The following GRIP1 variants were observed in gnomAD, a reference collection of about 807,000 sequenced individuals.
GRIP1 encodes the protein glutamate receptor interacting protein 1.
Under a neutral mutation model 129.9 loss-of-function variants are expected in GRIP1, and 45 were observed. The observed-to-expected ratio is 0.35, with a 90% confidence interval of 0.27 to 0.44. The LOEUF (loss-of-function observed/expected upper bound fraction) is 0.44. GRIP1 is among the 20% of genes least tolerant of loss of function. The probability of loss-of-function intolerance (pLI) is 1.00; values close to 1 mark genes in which losing one functional copy is unlikely to be tolerated. For missense variants in GRIP1, 1,196 were observed against 1,396.8 expected, an observed-to-expected ratio of 0.86 and a Z score of 2.29; for synonymous variants, 530 against 520.8, an observed-to-expected ratio of 1.02 and a Z score of -0.24.
chr12:66,725,735 A>G (rs1040977048), intron 1 of GRIP1, among the ~76,000 whole-genome samples: 3 of 152,170 alleles, frequency 2.0e-5, no homozygotes, highest in African/African-American at 7.2e-5. Context: ...ATTTATATTA[A>G]TCATACACAC....
At chr12:67,026,736 T>A (rs983253578) in intron 1 of GRIP1, among the ~76,000 whole-genome samples, 1 of 152,182 alleles carries the variant, frequency 6.6e-6, no homozygotes, top group Non-Finnish European at 1.5e-5. Context: ...TCATGGTCAA[T>A]CTATTACAGA....
chr12:66,839,155 A>G (rs1592893334), intron 1 of GRIP1, among the ~76,000 whole-genome samples: 1 of 152,302 alleles, frequency 6.6e-6, no homozygotes, highest in South Asian at 2.1e-4. Context: ...ACACAAAAGG[A>G]AACAGAGAAA....
chr12:66,525,813 G>A (rs2061212961), intron 5 of GRIP1, among the ~76,000 whole-genome samples: 1 of 152,214 alleles, frequency 6.6e-6, no homozygotes, highest in Non-Finnish European at 1.5e-5. Flanking sequence ...TCCTTAAGCT[G>A]ATAAGCAACT....
At chr12:66,646,974 C>T (rs1411080104) in intron 1 of GRIP1, among the ~76,000 whole-genome samples, 8 of 152,188 alleles carry the variant, frequency 5.3e-5, no homozygotes, top group African/African-American at 1.9e-4. Flanking sequence ...AAGGTTGCTA[C>T]AATTAGTACC....
chr12:66,960,798 G>C (rs944204404), intron 1 of GRIP1, among the ~76,000 whole-genome samples: 4 of 152,072 alleles, frequency 2.6e-5, no homozygotes, highest in Non-Finnish European at 5.9e-5. Context: ...AGATTACCCA[G>C]ACCAAAATGT....
At chr12:66,721,179 T>C (rs563820942) in intron 1 of GRIP1, among the ~76,000 whole-genome samples, 12 of 152,210 alleles carry the variant, frequency 7.9e-5, no homozygotes, top group Admixed American at 2.6e-4. Flanking sequence ...AACAGTAATA[T>C]TTTGAAAGGA....
At chr12:67,007,219 C>T (rs2042639689) in intron 1 of GRIP1, among the ~76,000 whole-genome samples, 1 of 152,124 alleles carries the variant, frequency 6.6e-6, no homozygotes, top group South Asian at 2.1e-4. Flanking sequence ...CCTGTTGTCA[C>T]ACATACACAA....
chr12:66,613,632 T>G (rs930905360), intron 1 of GRIP1, among the ~76,000 whole-genome samples: 1 of 152,174 alleles, frequency 6.6e-6, no homozygotes, highest in African/African-American at 2.4e-5. Context: ...CCGATTTCTG[T>G]CTTTAAAATT....
intron 1 of GRIP1, among the ~76,000 whole-genome samples, chr12:66,850,326 T>C (rs1203463435): frequency 6.6e-6 from 1 of 152,290 alleles, no homozygotes; most frequent in South Asian, 2.1e-4. Flanking sequence ...CAGATGTGGG[T>C]TCCTGAGGTG....
intron 8 of GRIP1, among the ~76,000 whole-genome samples, 173 bp from the exon 9 acceptor site, chr12:66,463,266 G>A (rs1321745828): frequency 6.6e-6 from 1 of 152,096 alleles, no homozygotes; most frequent in African/African-American, 2.4e-5. Flanking sequence ...CCTTGAATAT[G>A]AACAAGGAAG....
intron 1 of GRIP1, among the ~76,000 whole-genome samples, chr12:66,644,847 T>C (rs573471496): frequency 7.2e-5 from 11 of 152,216 alleles, no homozygotes; most frequent in Non-Finnish European, 1.6e-4. Flanking sequence ...AATGTTTTCA[T>C]AATAGTCTAA....
chr12:66,426,287 T>A (rs184547492), intron 14 of GRIP1, among the ~76,000 whole-genome samples: 99 of 152,362 alleles, frequency 6.5e-4, no homozygotes, highest in African/African-American at 2.3e-3. Flanking sequence ...TTGTGTCATT[T>A]GTACTCAACC....
intron 22 of GRIP1, among the ~76,000 whole-genome samples, chr12:66,375,420 T>C (rs1304293200): frequency 1.3e-5 from 2 of 152,250 alleles, no homozygotes; most frequent in Non-Finnish European, 2.9e-5. Context: ...CTTTAACTTT[T>C]AATGCTGGAT....
intron 1 of GRIP1, among the ~76,000 whole-genome samples, chr12:67,003,591 G>T (rs1055045072): frequency 1.3e-5 from 2 of 152,096 alleles, no homozygotes; most frequent in African/African-American, 4.8e-5. Flanking sequence ...TACTCGGGAG[G>T]CTGAGGCAGG....
chr12:66,497,441 GA>G (rs2060266725), intron 7 of GRIP1, among the ~76,000 whole-genome samples: 1 of 152,182 alleles, frequency 6.6e-6, no homozygotes. Flanking sequence ...ACAGAACTTG[GA>G]AAGTCCCTGA....
intron 4 of GRIP1, among the ~76,000 whole-genome samples, chr12:66,531,253 ATATATATATATAT>A (rs2061448019): frequency 5.8e-5 from 1 of 17,386 alleles, no homozygotes; most frequent in Non-Finnish European, 1.2e-4. Context: ...AAAAAAAAAA[ATATATATATATAT>A]ATATATATAT....
chr12:66,722,764 T>A (rs1192866481), intron 1 of GRIP1, among the ~76,000 whole-genome samples: 1 of 152,186 alleles, frequency 6.6e-6, no homozygotes, highest in Non-Finnish European at 1.5e-5. Context: ...TTAATCTTTT[T>A]AGCTTTAGTG....
chr12:66,355,178 G>A (rs943519084), intron 23 of GRIP1, among the ~76,000 whole-genome samples: 1 of 152,146 alleles, frequency 6.6e-6, no homozygotes, highest in Non-Finnish European at 1.5e-5. Flanking sequence ...AATGTTCCCT[G>A]AGACGACCCT....
intron 1 of GRIP1, among the ~76,000 whole-genome samples, chr12:66,842,833 T>C (rs1289013924): frequency 6.6e-6 from 1 of 152,148 alleles, no homozygotes; most frequent in Non-Finnish European, 1.5e-5. Flanking sequence ...TTTATTTCCA[T>C]GTGTAAGGTG....
Sources: allele counts gnomAD v4.1 joint callset (sites outside exome capture counted in the v4.1 genomes callset), GRCh38; gene constraint gnomAD v4.1.1; transcripts MANE v1.5; gene names NCBI Gene and HGNC (gene_info 2026-07-23, HGNC 2026-07-21).